Variants in PLB1 observed in about 807,000 individuals in gnomAD.
The protein encoded by PLB1 is phospholipase B1, also known as phospholipase B1, membrane-associated.
PLB1 carries 242 observed loss-of-function variants against 227.4 expected under a neutral mutation model. The observed-to-expected ratio is 1.06, with a 90% CI of 0.96 to 1.18. PLB1 has a LOEUF of 1.18. Among genes scored for constraint, PLB1 ranks in the 50% most tolerant of loss-of-function variants. The pLI, the probability that PLB1 is intolerant of heterozygous loss-of-function variation, is 0.00. For missense variants in PLB1, 1,858 were observed against 1,816.3 expected (o/e 1.02, Z -0.42); for synonymous variants, 757 against 682.2 (o/e 1.11, Z -1.71).
At chr2:28,588,028 G>A (rs1558841976) in intron 26 of PLB1, among the ~76,000 whole-genome samples, 5 of 152,268 alleles carry the variant, frequency 3.3e-5, no homozygotes, top group South Asian at 2.1e-4. Flanking sequence ...GGAGATGCCC[G>A]TGTGTCAGCC....
intron 23 of PLB1, 138 bp downstream of exon 23, chr2:28,579,845 AC>A: frequency 1.4e-6 from 1 of 696,960 alleles, no homozygotes; most frequent in Non-Finnish European, 2.6e-6. Flanking sequence ...CCTGGGATGA[AC>A]CCTGAGACTG....
chr2:28,561,295 C>G (rs1676024510), intron 17 of PLB1, among the ~76,000 whole-genome samples: 1 of 141,434 alleles, frequency 7.1e-6, no homozygotes, highest in Middle Eastern at 3.5e-3. Context: ...TAATAGCTGC[C>G]ACATCACACG....
In PLB1 at chr2:28,559,381, G is replaced by A. The variant is rs1344459544; in HGVS notation, c.1148-3660G>A. Among the ~76,000 whole-genome samples the A allele has an allele frequency of 2.0e-5, 3 of 152,352 alleles. No homozygotes were observed. In the East Asian group the frequency reaches 5.8e-4, roughly 29 times the overall value. ...GATTCCGATGCAGGCTCAATTGGAG[G>A]ACCGCTGCTCTATATGTTTTGCACA... On this transcript the variant is annotated intron_variant, in intron 17 of 57. Transcript: ENST00000327757.
At chr2:28,576,565 A>G (rs897918207) in intron 21 of PLB1, among the ~76,000 whole-genome samples, 1 of 152,172 alleles carries the variant, frequency 6.6e-6, no homozygotes, top group Non-Finnish European at 1.5e-5. Flanking sequence ...TCCCGTCTCT[A>G]CTAAAAATAC....
At chr2:28,604,148 G>C (rs576309639) in intron 40 of PLB1, 101 bp downstream of exon 40, 1 of 1,183,186 alleles carries the variant, frequency 8.5e-7, no homozygotes, top group Non-Finnish European at 1.2e-6. Context: ...GGAAAAGCTG[G>C]TCAGGGATTG....
chr2:28,585,983 C>G, intron 26 of PLB1, 141 bp downstream of exon 26: 1 of 716,232 alleles, frequency 1.4e-6, no homozygotes, highest in East Asian at 2.7e-5. Flanking sequence ...TTAAAACACC[C>G]TGAGACACAG....
At chr2:28,627,519 G>A (rs1218901859) in intron 51 of PLB1, among the ~76,000 whole-genome samples, 2 of 152,162 alleles carry the variant, frequency 1.3e-5, no homozygotes, top group South Asian at 2.1e-4. Context: ...GTTTTAAAAA[G>A]AAGGAAAGGG....
Position 28,543,098 on chromosome 2 carries a change from C to G in PLB1, c.880-114C>G. 3.5e-6 allele frequency: 4 copies of G among 1,155,062 alleles called. No homozygotes were observed. The South Asian group carries it at 5.8e-5, about 17-fold the overall frequency. 71.6% of individuals were successfully genotyped at this position (1,155,062 alleles called of 1,614,324 possible). On this transcript the variant is annotated intron_variant, in intron 13 of 57. Transcript: ENST00000327757. ...TTGATGAGGGGCTGAGAGAAAAGGC[C>G]TGGACAGATCAGGCTGCCCCAACTC...
chr2:28,530,816 T>C (rs1670918880), intron 8 of PLB1, among the ~76,000 whole-genome samples: 1 of 152,234 alleles, frequency 6.6e-6, no homozygotes, highest in Non-Finnish European at 1.5e-5. Context: ...CTAAGGCATA[T>C]AAGGACAGGG....
chr2:28,582,733 G>A (rs1354836011), intron 25 of PLB1, among the ~76,000 whole-genome samples: 2 of 152,124 alleles, frequency 1.3e-5, no homozygotes, highest in Non-Finnish European at 2.9e-5. Context: ...CCTGCACCCC[G>A]CCTCTGTTGC....
chr2:28,632,205 T>TAGAGAAG lies in PLB1; in HGVS notation c.4002+65_4002+66insAGAGAAG, dbSNP rs1377469220. 185 of 1,352,292 alleles carry TAGAGAAG rather than the reference T, an allele frequency of 1.4e-4. 1 individual carries two copies. Among genetic ancestry groups the TAGAGAAG allele is most frequent in the Non-Finnish European group, 1.8e-4 (173 of 962,386 alleles). The allele number at this position is 1,352,292 out of a possible 1,614,324, so 83.8% of individuals were successfully genotyped here. ...CCTTATCACAGACGATGGATGTATT[T>TAGAGAAG]CCTTCTCTAAGTGGGCTTTTTTTTT... is the stretch of plus-strand genomic sequence containing the variant. On this transcript the variant is annotated intron_variant, in intron 55 of 57. Coordinates refer to ENST00000327757, the MANE Select transcript of PLB1 (RefSeq NM_153021.5).
rs1380577583 is a variant in PLB1, at chr2:28,602,831, T to TCAA, written c.2685_2686insAAC (p.Val895_Leu896insAsn). On this transcript the variant is annotated inframe_insertion, in exon 39 of 58. Transcript: ENST00000327757. The stretch of plus-strand genomic sequence containing the variant: ...CAGCTTTTCCCTTAGGTGCCCAGAG[T>TCAA]CCTGGTCAACCTCGTGGACTTCCTG... 6.2e-7 allele frequency: 1 copy of TCAA among 1,614,010 alleles called. No individual in the cohort carries two copies. Among genetic ancestry groups the TCAA allele is most frequent in the South Asian group, 1.1e-5 (1 of 91,078 alleles).
rs980392496 is a variant in PLB1, at chr2:28,518,511, G to A, written c.163G>A (p.Val55Met). Residue 55 changes from valine (V) to methionine (M), a missense_variant, in exon 3 of 58, where the codon GTG becomes ATG. By Grantham distance (21) the Val-to-Met change is conservative. Transcript: ENST00000327757. ...CCCATGCAACCCAAATAAATTAGGA[G>A]TGAATATGCCTTCTAAATCAGGTAT... is the stretch of plus-strand genomic sequence containing the variant. ...PFPCNPNKLGVNMPSKSVHSL... is the reference protein window; with the variant it reads ...PFPCNPNKLGMNMPSKSVHSL... The A allele has an allele frequency of 3.1e-6, 5 of 1,612,892 alleles. No individual in the cohort carries two copies. Among genetic ancestry groups the A allele is most frequent in the Middle Eastern group, 1.6e-4 (1 of 6,080 alleles).
In PLB1 at chr2:28,601,420, C is replaced by T. The variant is rs560232906; in HGVS notation, c.2607+88C>T. 2.3e-5 allele frequency: 25 copies of T among 1,077,416 alleles called. No homozygotes were observed. In the African/African-American group the frequency reaches 3.8e-4, roughly 16 times the overall value. 66.7% of individuals were successfully genotyped at this position (1,077,416 alleles called of 1,614,324 possible). ...TCTTCCCTGAGAACAGTTCCTAAAA[C>T]CAATCCTAGGATTATCCACCTACAC... is the stretch of plus-strand genomic sequence containing the variant. On this transcript the variant is annotated intron_variant, in intron 37 of 57. Transcript: ENST00000327757.
At chr2:28,508,760 G>T (rs188766264) in intron 1 of PLB1, among the ~76,000 whole-genome samples, 1 of 152,212 alleles carries the variant, frequency 6.6e-6, no homozygotes, top group Non-Finnish European at 1.5e-5. Context: ...TGGTCTGCAT[G>T]CACTTATGGC....
At chr2:28,538,460 A>G (rs1672009201) in intron 10 of PLB1, 79 bp downstream of exon 10, 44 of 1,352,110 alleles carry the variant, frequency 3.3e-5, no homozygotes, top group Middle Eastern at 2.5e-4. Context: ...GGGTGGGGAA[A>G]TGGACCCCTG....
intron 40 of PLB1, 108 bp from the exon 41 acceptor site, chr2:28,604,547 C>T (rs530464942): frequency 3.0e-5 from 22 of 737,738 alleles, no homozygotes; most frequent in Middle Eastern, 3.8e-4. Context: ...AAGGCTGAGT[C>T]GGCCCCTCCA....
intron 25 of PLB1, among the ~76,000 whole-genome samples, chr2:28,583,758 AC>A (rs149546400): frequency 1.6e-3 from 245 of 151,914 alleles, no homozygotes; most frequent in African/African-American, 5.8e-3. Context: ...TGGGGCTAAG[AC>A]CTGCGTGCAT....
At chr2:28,631,415 A>C (rs997806598) in intron 54 of PLB1, among the ~76,000 whole-genome samples, 7 of 151,940 alleles carry the variant, frequency 4.6e-5, no homozygotes, top group African/African-American at 1.7e-4. Flanking sequence ...TCCCCATATC[A>C]CATTCAGTCT....
Sources: allele counts gnomAD v4.1 joint callset (sites outside exome capture counted in the v4.1 genomes callset), GRCh38; gene constraint gnomAD v4.1.1; transcripts MANE v1.5; gene names NCBI Gene and HGNC (gene_info 2026-07-23, HGNC 2026-07-21).